Variants in MEF2B observed in about 807,000 individuals in gnomAD.
MEF2B encodes the protein myocyte-specific enhancer factor 2B.
A neutral mutation model predicts 32.2 loss-of-function variants in MEF2B; 15 were observed. The observed-to-expected ratio is 0.47, with a 90% confidence interval of 0.31 to 0.72. The LOEUF is 0.72. Among genes scored for constraint, MEF2B ranks in the 30% least tolerant of loss-of-function variants. MEF2B has a pLI of 0.05. For synonymous variants in MEF2B, 205 were observed against 225.6 expected (o/e 0.91, Z 0.82); for missense variants, 441 against 511.5 (o/e 0.86, Z 1.33).
chr19:19,160,547 GA>G (rs1454503911), intron 1 of MEF2B, among the ~76,000 whole-genome samples: 1 of 149,660 alleles, frequency 6.7e-6, no homozygotes, highest in Non-Finnish European at 1.5e-5. Context: ...CACTTCGCCA[GA>G]CCCCTGAGCC....
intron 1 of MEF2B, 35 bp from the exon 2 acceptor site, chr19:19,150,799 G>C: frequency 1.2e-6 from 2 of 1,612,184 alleles, no homozygotes; most frequent in Non-Finnish European, 1.7e-6. Context: ...AGAGTGAGTG[G>C]GTGGAGAGTG....
At chr19:19,157,710 T>C (rs550619186) in intron 1 of MEF2B, among the ~76,000 whole-genome samples, 1 of 152,248 alleles carries the variant, frequency 6.6e-6, no homozygotes, top group Middle Eastern at 3.4e-3. Context: ...TAGCTGGGCG[T>C]GCTGGCATGT....
chr19:19,146,578 G>T lies in MEF2B; in HGVS notation c.746C>A (p.Pro249His), dbSNP rs754979220. The change falls in exon 7 of 9, where the codon CCC becomes CAC. Residue 249 changes from proline (P) to histidine (H), a missense_variant. Physicochemically the swap from Pro to His is moderately conservative, Grantham distance 77 (BLOSUM62 -2). Coordinates refer to ENST00000424583, the MANE Select transcript of MEF2B (RefSeq NM_001145785.2). Reference protein sequence around the residue: ...ATPGPPLGSFPFLPGGPPEYG... With the variant: ...ATPGPPLGSFHFLPGGPPEYG... ...ACCTGGGGGGCCTCCGGGGAGGAAG[G>T]GGAAGCTCCCCAGTGGGGGTCCGGG... 5.7e-6 allele frequency: 9 copies of T among 1,589,592 alleles called. No individual in the cohort carries two copies. Among genetic ancestry groups the T allele is most frequent in the Non-Finnish European group, 7.7e-6 (9 of 1,170,094 alleles).
intron 1 of MEF2B, among the ~76,000 whole-genome samples, chr19:19,159,968 T>C (rs1040355608): frequency 7.6e-6 from 1 of 130,996 alleles, no homozygotes; most frequent in African/African-American, 3.0e-5. Context: ...TCTACTGAAC[T>C]TTTTTTTTTT....
chr19:19,146,921 C>T (rs746482348), intron 5 of MEF2B, 46 bp from the exon 6 acceptor site: 1 of 1,590,380 alleles, frequency 6.3e-7, no homozygotes, highest in Admixed American at 1.7e-5. Flanking sequence ...CAGGCCATGT[C>T]AACTAATGAA....
At chr19:19,150,592 C>A (rs1190324499) in intron 2 of MEF2B, 90 bp downstream of exon 2, 9 of 1,552,822 alleles carry the variant, frequency 5.8e-6, no homozygotes, top group South Asian at 1.2e-5. Flanking sequence ...CATTCCCCTG[C>A]AGTTCAATTG....
chr19:19,152,078 A>C (rs1362445480), intron 1 of MEF2B, among the ~76,000 whole-genome samples: 2 of 149,148 alleles, frequency 1.3e-5, no homozygotes, highest in Non-Finnish European at 3.0e-5. Context: ...CTCCTGCCTC[A>C]GCCTCCCAAG....
intron 3 of MEF2B, among the ~76,000 whole-genome samples, chr19:19,148,671 C>G (rs919811863): frequency 6.6e-6 from 1 of 150,472 alleles, no homozygotes; most frequent in Non-Finnish European, 1.5e-5. Context: ...CCAGTGAAGA[C>G]TCCTCTGTCT....
chr19:19,146,328 C>T lies in MEF2B; in HGVS notation c.826G>A (p.Ala276Thr). Residue 276 changes from alanine to threonine, a missense_variant, in exon 8 of 9, where the codon GCC becomes ACC. Around this residue, in one of 2 missense-constraint regions of MEF2B, gnomAD observed 326 missense variants for 328.4 expected, o/e 0.99. Coordinates refer to ENST00000424583, the MANE Select transcript of MEF2B (RefSeq NM_001145785.2). ...TCACCCCTCGAGGGCTGCCAGGGGG[C>T]CAGGGTGGGGGGCTGCAACAAGCCA... ...PPGLLQPPTL[A>T]PWQPSRGDGP... 1 of 1,274,456 alleles carries T rather than the reference C, an allele frequency of 7.8e-7. No individual in the cohort carries two copies. Among genetic ancestry groups the T allele is most frequent in the Non-Finnish European group, 1.0e-6 (1 of 980,794 alleles). 78.9% of individuals were successfully genotyped at this position (1,274,456 alleles called of 1,614,324 possible).
Position 19,145,587 on chromosome 19 carries a change from C to T in MEF2B, c.*210G>A, listed in dbSNP as rs1345862276. The T allele has an allele frequency of 2.5e-6, 3 of 1,191,766 alleles. No homozygotes were observed. The highest frequency in any genetic ancestry group is 1.6e-5 in the African/African-American group (1 of 63,702). 73.8% of individuals were successfully genotyped at this position (1,191,766 alleles called of 1,614,324 possible). ...GTCAGTCTGGTCCACGGACGCCACGCGCGTTTTATTTGTGGATATACACAC... is the reference window on the plus strand; with the variant it reads ...GTCAGTCTGGTCCACGGACGCCACGTGCGTTTTATTTGTGGATATACACAC... On this transcript the variant is annotated 3_prime_UTR_variant, in exon 9 of 9. Coordinates refer to ENST00000424583, the MANE Select transcript of MEF2B (RefSeq NM_001145785.2). The surrounding 1 kb of genome is among the most constrained non-coding windows in gnomAD (Gnocchi z 4.6).
chr19:19,147,940 G>A, intron 3 of MEF2B, 108 bp from the exon 4 acceptor site: 1 of 1,471,608 alleles, frequency 6.8e-7, no homozygotes, highest in East Asian at 2.4e-5. Context: ...CATGAGTGGG[G>A]AGGAATGCAG....
chr19:19,155,059 T>C (rs1293392781), intron 1 of MEF2B, among the ~76,000 whole-genome samples: 2 of 152,144 alleles, frequency 1.3e-5, no homozygotes, highest in African/African-American at 2.4e-5. Flanking sequence ...CCCAGTGACA[T>C]TGGAACCAAA....
At position 19,146,837 on chromosome 19, in the gene MEF2B, T is replaced by A. The variant is rs139240756; in HGVS notation, c.580A>T (p.Ser194Cys). ...HPLFSPSHLT[S>C]KTPPPLYLPT... ...AGGTACAGTGGGGGTGGTGTCTTGC[T>A]GGTGAGGTGGCTTGGTGAGAAGAGA... The change falls in exon 6 of 9, where the codon AGC becomes TGC. Residue 194 changes from serine to cysteine, a missense_variant. By Grantham distance (112) the Ser-to-Cys change is moderately radical. Transcript: ENST00000424583. The A allele has an allele frequency of 5.8e-5, 94 of 1,613,674 alleles. No homozygotes were observed. The highest frequency in any genetic ancestry group is 7.0e-5 in the Non-Finnish European group (83 of 1,179,874).
intron 2 of MEF2B, among the ~76,000 whole-genome samples, chr19:19,150,034 G>A (rs1220892059): frequency 2.8e-5 from 4 of 140,456 alleles, no homozygotes; most frequent in African/African-American, 8.0e-5. Flanking sequence ...GCAGTGAGCC[G>A]AGATCGCTCC....
In MEF2B at chr19:19,146,733, C is replaced by A; in HGVS notation, c.675+9G>T. 6.2e-7 allele frequency: 1 copy of A among 1,614,024 alleles called. No individual in the cohort carries two copies. The highest frequency in any genetic ancestry group is 1.1e-5 in the South Asian group (1 of 91,084). ...CTCATCAGCCCTGCCACACCCTCCC[C>A]TCACTCACGGAGGTGTTTAGTCCCC... On this transcript the variant is annotated intron_variant, in intron 6 of 8. Coordinates refer to ENST00000424583, the MANE Select transcript of MEF2B (RefSeq NM_001145785.2).
rs577437789 is a variant in MEF2B, at chr19:19,146,799, C to T, written c.618G>A (p.Gly206=). 1 of 1,614,060 alleles carries T rather than the reference C, an allele frequency of 6.2e-7. No homozygotes were observed. The highest frequency in any genetic ancestry group is 1.3e-5 in the African/African-American group (1 of 75,038). The stretch of plus-strand genomic sequence containing the variant: ...GGCCACCAGGCAGGTCTGACCTCCG[C>T]CCTTCCGTCGGCAGGTACAGTGGGG... ...TPPPLYLPTE[G]RRSDLPGGLA... Residue 206 remains glycine, a synonymous_variant, in exon 6 of 9, where the codon GGG becomes GGA. Transcript: ENST00000424583.
In MEF2B at chr19:19,147,198, G is replaced by T; in HGVS notation, c.394-15C>A. The T allele has an allele frequency of 6.4e-7, 1 of 1,561,598 alleles. No individual in the cohort carries two copies. Among genetic ancestry groups the T allele is most frequent in the East Asian group, 2.4e-5 (1 of 42,096 alleles). Reference sequence around the variant, plus strand: ...GGAGCTGCAGGCTGTGGGTAGAGAAGGGATGGGTCAGAGGACCCCAGGCCA... The same window carrying T: ...GGAGCTGCAGGCTGTGGGTAGAGAATGGATGGGTCAGAGGACCCCAGGCCA... On this transcript the variant is annotated splice_polypyrimidine_tract_variant and intron_variant, in intron 4 of 8. Coordinates refer to ENST00000424583, the MANE Select transcript of MEF2B (RefSeq NM_001145785.2).
chr19:19,168,581 G>C (rs2060228271), intron 1 of MEF2B, among the ~76,000 whole-genome samples: 2 of 149,518 alleles, frequency 1.3e-5, no homozygotes, highest in Non-Finnish European at 3.0e-5. Context: ...CCATTTTTTT[G>C]TTTCTTTTCT....
intron 1 of MEF2B, among the ~76,000 whole-genome samples, chr19:19,163,579 C>A (rs115193266): frequency 0.01 from 1,550 of 152,288 alleles, 24 homozygotes; most frequent in African/African-American, 0.036. Context: ...CCCTCAATCA[C>A]CCTTCCTTGA....
Sources: gnomAD v4.1 joint callset for allele counts (sites outside exome capture counted in the v4.1 genomes callset) on GRCh38, gnomAD v4.1.1 for gene constraint, gnomAD v4.1.1 regional missense constraint, Gnocchi (gnomAD v3.1) non-coding constraint, MANE v1.5 for transcripts, NCBI Gene and HGNC (gene_info 2026-07-23, HGNC 2026-07-21) for gene names.